Variants in NTM observed in about 807,000 individuals in gnomAD.
NTM encodes IgLON family member 2.
NTM carries 13 observed loss-of-function variants against 42.1 expected under a neutral mutation model. That is an observed-to-expected ratio of 0.31 (90% confidence interval 0.20 to 0.49). The LOEUF is 0.49. Ranked by LOEUF, NTM falls within the 20% of genes least tolerant of loss-of-function variation. The pLI, the probability that NTM is intolerant of heterozygous loss-of-function variation, is 0.99. For missense variants in NTM, 373 were observed against 452.8 expected (o/e 0.82, Z 1.60); for synonymous variants, 187 against 179.2 (o/e 1.04, Z -0.35).
chr11:131,646,722 G>A (rs1274367062), intron 1 of NTM, among the ~76,000 whole-genome samples: 1 of 152,070 alleles, frequency 6.6e-6, no homozygotes, highest in Non-Finnish European at 1.5e-5. Context: ...ACCTCCAACA[G>A]AAACGTATAG....
intron 1 of NTM, among the ~76,000 whole-genome samples, chr11:131,457,778 T>C (rs1951031774): frequency 6.6e-6 from 1 of 151,896 alleles, no homozygotes. Context: ...TATTACAAGG[T>C]AGTGTCTGTG....
chr11:132,320,965 CCTGT>C (rs1229183942), intron 7 of NTM, among the ~76,000 whole-genome samples: 4 of 150,890 alleles, frequency 2.7e-5, no homozygotes, highest in East Asian at 1.9e-4. Context: ...AGCTGAGGGT[CCTGT>C]CTGTTAGAAG....
chr11:131,546,363 C>T (rs539229652), intron 1 of NTM, among the ~76,000 whole-genome samples: 2 of 152,306 alleles, frequency 1.3e-5, no homozygotes, highest in African/African-American at 2.4e-5. Context: ...CCCACGGCCC[C>T]GTTAGCCATT....
chr11:132,049,477 A>G (rs2078538653), intron 2 of NTM, among the ~76,000 whole-genome samples: 1 of 152,206 alleles, frequency 6.6e-6, no homozygotes, highest in South Asian at 2.1e-4. Flanking sequence ...AAGAGCAGCC[A>G]GGAGGAAACC....
chr11:131,419,907 C>T (rs1022165184), intron 1 of NTM, among the ~76,000 whole-genome samples: 13 of 152,104 alleles, frequency 8.5e-5, no homozygotes, highest in Admixed American at 7.2e-4. Context: ...GAGCACTCAG[C>T]CTGAGCCATC....
chr11:131,549,639 C>A (rs552335042), intron 1 of NTM, among the ~76,000 whole-genome samples: 1 of 152,326 alleles, frequency 6.6e-6, no homozygotes, highest in East Asian at 1.9e-4. Context: ...AGGGGCTGTG[C>A]TTTCTGGGAC....
chr11:132,250,897 G>A (rs1210623900), intron 4 of NTM, among the ~76,000 whole-genome samples: 1 of 152,062 alleles, frequency 6.6e-6, no homozygotes, highest in South Asian at 2.1e-4. Context: ...CTCACTCTTA[G>A]TATCATGTTT....
chr11:131,788,867 G>A (rs946481912), intron 1 of NTM, among the ~76,000 whole-genome samples: 3 of 150,990 alleles, frequency 2.0e-5, no homozygotes, highest in African/African-American at 2.5e-5. Context: ...ACACATTCTC[G>A]GGCAATCTCT....
At chr11:132,042,662 A>C (rs1290965066) in intron 2 of NTM, among the ~76,000 whole-genome samples, 3 of 152,248 alleles carry the variant, frequency 2.0e-5, no homozygotes, top group Non-Finnish European at 2.9e-5. Context: ...GGGTCCTGCC[A>C]TCAGAAGCTC....
rs11222668 is a variant in NTM at position 131,480,457 on chromosome 11, C to A, written c.82+109569C>A. Among the ~76,000 whole-genome samples, 14 of 152,212 alleles carry A rather than the reference C, an allele frequency of 9.2e-5. No individual in the cohort carries two copies. In the East Asian group the frequency reaches 1.9e-3, roughly 21 times the overall value. On this transcript the variant is annotated intron_variant, in intron 1 of 8. Coordinates refer to ENST00000683400, the MANE Select transcript of NTM (RefSeq NM_001352005.2). ...CCCCACCTCCACCTTGACTTCCTCC[C>A]TCTGAGCAAACTGAGTTTGGGTCTC... is the stretch of plus-strand genomic sequence containing the variant.
intron 4 of NTM, among the ~76,000 whole-genome samples, chr11:132,263,366 C>G (rs2139573946): frequency 6.6e-6 from 1 of 152,318 alleles, no homozygotes; most frequent in African/African-American, 2.4e-5. Flanking sequence ...CTGAGTAGTT[C>G]TAGGTAAAAT....
intron 1 of NTM, among the ~76,000 whole-genome samples, chr11:131,412,517 T>C (rs769467055): frequency 6.6e-5 from 10 of 152,214 alleles, no homozygotes; most frequent in Non-Finnish European, 1.3e-4. Flanking sequence ...TCTAGAATAT[T>C]AAGACAAAAC....
chr11:131,535,519 T>C (rs2052041984), intron 1 of NTM: 1 of 152,220 alleles, frequency 6.6e-6, no homozygotes, highest in South Asian at 2.1e-4. Flanking sequence ...TTTGAAATTC[T>C]TGTCAGTCTG....
intron 1 of NTM, among the ~76,000 whole-genome samples, chr11:131,779,101 C>A (rs747350006): frequency 5.9e-5 from 9 of 152,214 alleles, no homozygotes; most frequent in Non-Finnish European, 1.3e-4. Flanking sequence ...CAGTAAGCAT[C>A]TAGGAACTGG....
intron 4 of NTM, among the ~76,000 whole-genome samples, chr11:132,283,607 C>A (rs2094098123): frequency 6.6e-6 from 1 of 152,156 alleles, no homozygotes; most frequent in South Asian, 2.1e-4. Flanking sequence ...AAAATATTTG[C>A]ATCATGGTTA....
intron 1 of NTM, among the ~76,000 whole-genome samples, chr11:131,886,736 T>G (rs544441484): frequency 6.6e-6 from 1 of 152,320 alleles, no homozygotes; most frequent in East Asian, 1.9e-4. Flanking sequence ...ACCATTACCC[T>G]GGTAAGATGA....
chr11:131,722,024 A>AGAGG, intron 1 of NTM, among the ~76,000 whole-genome samples: 2 of 143,714 alleles, frequency 1.4e-5, no homozygotes, highest in African/African-American at 2.6e-5. Context: ...AAAAAAAAAG[A>AGAGG]GAGAAAGAAA....
rs59083400 is a variant in NTM at position 131,874,030 on chromosome 11, AATATATATATAT to A, written c.83-37507_83-37496del. Among the ~76,000 whole-genome samples the A allele has an allele frequency of 5.3e-3, 408 of 76,634 alleles. 4 individuals carry two copies. The highest frequency in any genetic ancestry group is 0.014 in the African/African-American group (365 of 26,932). The allele number at this position is 76,634 out of a possible 152,430, so 50.3% of individuals were successfully genotyped here. A position where few individuals can be genotyped will look rare whatever the true frequency, so the allele number is the denominator to read the frequency against. On this transcript the variant is annotated intron_variant, in intron 1 of 8. Transcript: ENST00000683400. ...ATAATATATTTATATAATATAATAT[AATATATATATAT>A]ATATATATATATATATATATATATA...
At chr11:132,140,753 C>T (rs965556924) in intron 2 of NTM, among the ~76,000 whole-genome samples, 4 of 152,152 alleles carry the variant, frequency 2.6e-5, no homozygotes, top group Admixed American at 2.0e-4. Context: ...AAGATGTACA[C>T]GCCAACCCCA....
Sources: gnomAD v4.1 joint callset for allele counts (sites outside exome capture counted in the v4.1 genomes callset) on GRCh38, gnomAD v4.1.1 for gene constraint, MANE v1.5 for transcripts, NCBI Gene and HGNC (gene_info 2026-07-23, HGNC 2026-07-21) for gene names.